ERMARD: variants seen among roughly 807,000 people sequenced by gnomAD.
ERMARD encodes the protein endoplasmic reticulum membrane-associated RNA degradation protein.
A neutral mutation model predicts 83.9 loss-of-function variants in ERMARD; 71 were observed. The ratio of observed to expected loss-of-function variants is 0.85; its 90% CI spans 0.70 to 1.03. ERMARD has a LOEUF of 1.03. Ranked by LOEUF, ERMARD falls within the 50% of genes least tolerant of loss-of-function variation. The probability of loss-of-function intolerance (pLI) is 0.00; values close to 1 mark genes in which losing one functional copy is unlikely to be tolerated. For missense variants in ERMARD, 838 were observed against 810.9 expected (o/e 1.03, Z -0.41); for synonymous variants, 284 against 298.6 (o/e 0.95, Z 0.50).
intron 6 of ERMARD, among the ~76,000 whole-genome samples, chr6:169,759,580 C>T (rs1022498883): frequency 2.0e-5 from 3 of 152,116 alleles, no homozygotes; most frequent in Non-Finnish European, 4.4e-5. Context: ...CCACTATGCC[C>T]ACCTAACTTT....
intron 12 of ERMARD, among the ~76,000 whole-genome samples, chr6:169,772,242 C>T (rs1377463888): frequency 3.3e-5 from 5 of 152,230 alleles, no homozygotes; most frequent in African/African-American, 7.2e-5. Flanking sequence ...GATGGGTTCA[C>T]ATCTTGGAAC....
intron 9 of ERMARD, among the ~76,000 whole-genome samples, chr6:169,763,592 C>T (rs1394435124): frequency 6.6e-6 from 1 of 152,238 alleles, no homozygotes; most frequent in Non-Finnish European, 1.5e-5. Context: ...GGTGCAGCCG[C>T]TCCACACCTC....
intron 3 of ERMARD, 55 bp from the exon 4 acceptor site, chr6:169,756,283 G>A (rs1234158906): frequency 4.7e-6 from 5 of 1,072,682 alleles, no homozygotes; most frequent in Admixed American, 2.4e-5. Flanking sequence ...TAATATTGTT[G>A]CTTTGAGAAG....
intron 10 of ERMARD, chr6:169,767,809 G>T: frequency 2.6e-6 from 1 of 381,352 alleles, no homozygotes; most frequent in Non-Finnish European, 4.8e-6. Context: ...ACACACAAAT[G>T]TACACACCCC....
At chr6:169,772,770 CA>C (rs60417475) in intron 12 of ERMARD, among the ~76,000 whole-genome samples, 9,536 of 100,032 alleles carry the variant, frequency 0.095, 440 homozygotes, top group African/African-American at 0.23. Context: ...GACTCTGTCT[CA>C]AAAAAAAAAA....
Position 169,768,624 on chromosome 6 carries a change from C to T in ERMARD, c.1059+453C>T, listed in dbSNP as rs1012723921. The stretch of plus-strand genomic sequence containing the variant: ...TGCAAAAATTAGCTGGGTGCGGTGG[C>T]GGGCACCCACCTACTCCTGAGTCCC... On this transcript the variant is annotated intron_variant, in intron 11 of 17. Coordinates refer to ENST00000366773, the MANE Select transcript of ERMARD (RefSeq NM_018341.3). 8.5e-5 allele frequency among the ~76,000 whole-genome samples: 13 copies of T among 152,116 alleles called. 1 individual carries two copies. In the South Asian group the frequency reaches 1.2e-3, roughly 15 times the overall value.
Position 169,756,381 on chromosome 6 carries a change from C to T in ERMARD, c.359C>T (p.Pro120Leu). The T allele has an allele frequency of 6.2e-7, 1 of 1,611,872 alleles. No individual in the cohort carries two copies. The highest frequency in any genetic ancestry group is 8.5e-7 in the Non-Finnish European group (1 of 1,179,278). Residue 120 changes from proline to leucine, a missense_variant, in exon 4 of 18, where the codon CCT becomes CTT. Pro to Leu is a moderately conservative substitution (Grantham distance 98). Transcript: ENST00000366773. ...IFDALESLQSPAISLSLMKLT... is the reference protein window; with the variant it reads ...IFDALESLQSLAISLSLMKLT... ...GATGCCTTGGAAAGTCTACAATCTC[C>T]TGCTATTTCTCTTAGCTTAATGAAA... is the stretch of plus-strand genomic sequence containing the variant.
intron 8 of ERMARD, among the ~76,000 whole-genome samples, chr6:169,761,673 GGTTTT>G (rs57170501): frequency 1.1e-4 from 17 of 151,306 alleles, no homozygotes; most frequent in Middle Eastern, 3.4e-3. Context: ...ATGTGTAAGT[GGTTTT>G]GTTTTGTTTT....
At position 169,762,569 on chromosome 6, in the gene ERMARD, C is replaced by T. The variant is rs749383679; in HGVS notation, c.960+38C>T. 15 of 1,529,006 alleles carry T rather than the reference C, an allele frequency of 9.8e-6. No homozygotes were observed. In the South Asian group the frequency reaches 1.6e-4, roughly 16 times the overall value. The allele number at this position is 1,529,006 out of a possible 1,614,324, so 94.7% of individuals were successfully genotyped here. A position where few individuals can be genotyped will look rare whatever the true frequency, so the allele number is the denominator to read the frequency against. On this transcript the variant is annotated intron_variant, in intron 9 of 17. Transcript: ENST00000366773. ...TTATTATTGATTGTGATCATTGTTG[C>T]TGTATTAACAGTTTTCTGTTACCAA... is the stretch of plus-strand genomic sequence containing the variant.
intron 13 of ERMARD, among the ~76,000 whole-genome samples, chr6:169,774,347 C>T (rs1425161078): frequency 1.3e-5 from 2 of 152,170 alleles, no homozygotes; most frequent in Admixed American, 6.5e-5. Flanking sequence ...GGTCAGATGC[C>T]ATTCCCCGTT....
chr6:169,776,163 G>A, intron 15 of ERMARD, 98 bp downstream of exon 15: 1 of 1,564,158 alleles, frequency 6.4e-7, no homozygotes, highest in Non-Finnish European at 8.7e-7. Flanking sequence ...TATAAACTTG[G>A]TAGTAGTCTT....
rs746630749 is a variant in ERMARD at position 169,776,455 on chromosome 6, G to A, written c.1521G>A (p.Thr507=). The change falls in exon 16 of 18, where the codon ACG becomes ACA. Residue 507 remains threonine, a splice_region_variant and synonymous_variant. Transcript: ENST00000366773. ...LKDLDRLPTE[T]WPQLLRELCS... is the part of the protein sequence containing the mutation. ...GCTCCAAGTCTGGCTCTGTTTGCAG[G>A]TGGCCCCAGCTTCTCCGTGAGCTCT... 6.2e-7 allele frequency: 1 copy of A among 1,612,856 alleles called. No homozygotes were observed. The highest frequency in any genetic ancestry group is 1.3e-5 in the African/African-American group (1 of 74,910).
chr6:169,774,775 G>T (rs1295883274), intron 13 of ERMARD, among the ~76,000 whole-genome samples: 1 of 152,216 alleles, frequency 6.6e-6, no homozygotes, highest in Non-Finnish European at 1.5e-5. Flanking sequence ...GGTCCCCCAG[G>T]GCTTCGTGGG....
chr6:169,773,554 G>A (rs1288004873), intron 13 of ERMARD, 152 bp downstream of exon 13: 12 of 674,396 alleles, frequency 1.8e-5, no homozygotes, highest in Admixed American at 5.8e-5. Context: ...CTGCTGTGGC[G>A]CTGGCCTGGT....
Position 169,776,335 on chromosome 6 carries a change from C to A in ERMARD, c.1521-120C>A, listed in dbSNP as rs1407755819. 1.2e-4 allele frequency: 188 copies of A among 1,552,642 alleles called. No individual in the cohort carries two copies. Among genetic ancestry groups the A allele is most frequent in the Non-Finnish European group, 1.6e-4 (186 of 1,147,484 alleles). On this transcript the variant is annotated intron_variant, in intron 15 of 17. Coordinates refer to ENST00000366773, the MANE Select transcript of ERMARD (RefSeq NM_018341.3). ...CGCGTGTCACGGTTGTCCCTGCAGACCAACCAGCGATACGCCGCTAGCCCT... is the reference window on the plus strand; with the variant it reads ...CGCGTGTCACGGTTGTCCCTGCAGAACAACCAGCGATACGCCGCTAGCCCT...
intron 16 of ERMARD, 112 bp from the exon 17 acceptor site, chr6:169,779,070 T>A: frequency 2.1e-6 from 2 of 962,980 alleles, no homozygotes; most frequent in Non-Finnish European, 3.2e-6. Context: ...GAAAATTATT[T>A]TTTGAGAAGT....
intron 17 of ERMARD, among the ~76,000 whole-genome samples, chr6:169,779,559 A>G (rs189083617): frequency 3.5e-4 from 54 of 152,266 alleles, no homozygotes; most frequent in Middle Eastern, 3.4e-3. Context: ...CAGTGGCATA[A>G]TCACAGCTCA....
intron 10 of ERMARD, 131 bp downstream of exon 10, chr6:169,766,798 A>G (rs1370145130): frequency 2.0e-6 from 2 of 987,802 alleles, no homozygotes; most frequent in East Asian, 6.0e-5. Flanking sequence ...ATAGTAATAT[A>G]AACCAAAAAA....
At chr6:169,755,550 G>C in intron 3 of ERMARD, 128 bp downstream of exon 3, 5 of 1,174,732 alleles carry the variant, frequency 4.3e-6, no homozygotes, top group Admixed American at 2.7e-5. Context: ...GTTGAGGGTT[G>C]TAAGAGAACC....
Sources: gnomAD v4.1 joint callset for allele counts (sites outside exome capture counted in the v4.1 genomes callset) on GRCh38, gnomAD v4.1.1 for gene constraint, MANE v1.5 for transcripts, NCBI Gene and HGNC (gene_info 2026-07-23, HGNC 2026-07-21) for gene names.